Variants in GRM8 observed in about 807,000 individuals in gnomAD.
GRM8 encodes the protein metabotropic glutamate receptor 8.
In GRM8, 47 loss-of-function variants were observed where a neutral mutation model predicts 87.2. The observed-to-expected ratio is 0.54, with a 90% CI of 0.43 to 0.69. The LOEUF is 0.69. Ranked by LOEUF, GRM8 falls within the 30% of genes least tolerant of loss-of-function variation. The pLI, the probability that GRM8 is intolerant of heterozygous loss-of-function variation, is 0.00. For synonymous variants in GRM8, 396 were observed against 404.5 expected (o/e 0.98, Z 0.25); for missense variants, 1,019 against 1,139.2 (o/e 0.89, Z 1.52).
At chr7:126,861,301 T>C (rs982437683) in intron 6 of GRM8, among the ~76,000 whole-genome samples, 3 of 152,150 alleles carry the variant, frequency 2.0e-5, no homozygotes, top group Non-Finnish European at 4.4e-5. Flanking sequence ...ATAGTGCATT[T>C]ATTTTAACTC....
At chr7:126,466,205 T>C (rs2150535859) in intron 9 of GRM8, among the ~76,000 whole-genome samples, 1 of 152,006 alleles carries the variant, frequency 6.6e-6, no homozygotes, top group East Asian at 1.9e-4. Flanking sequence ...CTAAAGAATG[T>C]AATGGTTCCA....
intron 2 of GRM8, among the ~76,000 whole-genome samples, chr7:127,125,816 G>C (rs1375288791): frequency 1.6e-5 from 2 of 123,030 alleles, no homozygotes; most frequent in African/African-American, 3.0e-5. Flanking sequence ...CTATTAAAAA[G>C]TGAGCAAAAG....
chr7:126,663,567 A>G (rs1760524229), intron 7 of GRM8, among the ~76,000 whole-genome samples: 1 of 152,252 alleles, frequency 6.6e-6, no homozygotes, highest in African/African-American at 2.4e-5. Context: ...TAGATGCAGA[A>G]AAAGCTTTTG....
At chr7:126,597,239 G>T (rs908664459) in intron 8 of GRM8, among the ~76,000 whole-genome samples, 3 of 152,056 alleles carry the variant, frequency 2.0e-5, no homozygotes, top group Non-Finnish European at 4.4e-5. Context: ...GGTGTCACGA[G>T]AAATTTTTGA....
chr7:126,555,785 T>A (rs959966071), intron 8 of GRM8, among the ~76,000 whole-genome samples: 5 of 152,216 alleles, frequency 3.3e-5, no homozygotes, highest in African/African-American at 1.2e-4. Context: ...TTATTCTTCC[T>A]AAAATATGTG....
intron 8 of GRM8, among the ~76,000 whole-genome samples, chr7:126,543,765 A>G (rs1585007425): frequency 6.6e-6 from 1 of 152,154 alleles, no homozygotes; most frequent in East Asian, 1.9e-4. Flanking sequence ...ATACAAAGAG[A>G]AGATGGCACA....
At chr7:126,686,860 G>A (rs569309943) in intron 7 of GRM8, among the ~76,000 whole-genome samples, 23 of 152,292 alleles carry the variant, frequency 1.5e-4, no homozygotes, top group Non-Finnish European at 2.8e-4. Flanking sequence ...GACACCCCAC[G>A]GATCCTGTAA....
intron 2 of GRM8, among the ~76,000 whole-genome samples, chr7:127,160,958 G>T (rs1271464275): frequency 2.0e-5 from 3 of 152,132 alleles, no homozygotes; most frequent in African/African-American, 7.2e-5. Flanking sequence ...TTTCTTAGTA[G>T]AAACAAGAGT....
At chr7:126,725,958 A>T (rs1445881050) in intron 7 of GRM8, among the ~76,000 whole-genome samples, 3 of 152,144 alleles carry the variant, frequency 2.0e-5, no homozygotes, top group Admixed American at 2.0e-4. Context: ...TGCCCCCAGG[A>T]TGAAAACACC....
At chr7:126,664,172 T>C (rs1213020211) in intron 7 of GRM8, among the ~76,000 whole-genome samples, 1 of 152,170 alleles carries the variant, frequency 6.6e-6, no homozygotes, top group East Asian at 1.9e-4. Context: ...TCCATGCTCA[T>C]GGATTAGAAG....
chr7:127,137,799 TA>T (rs1447640754), intron 2 of GRM8, among the ~76,000 whole-genome samples: 1 of 152,156 alleles, frequency 6.6e-6, no homozygotes, highest in Non-Finnish European at 1.5e-5. Flanking sequence ...TATTTCTGGG[TA>T]AAAAGTTAAA....
intron 2 of GRM8, among the ~76,000 whole-genome samples, chr7:127,192,251 C>T (rs1795066818): frequency 1.3e-5 from 2 of 152,178 alleles, no homozygotes; most frequent in African/African-American, 4.8e-5. Flanking sequence ...TTTTATGCTA[C>T]CAAATTATGC....
rs181143674 is a variant in GRM8 at position 126,682,116 on chromosome 7, C to T, written c.1358-72618G>A. 5.3e-5 allele frequency among the ~76,000 whole-genome samples: 8 copies of T among 152,254 alleles called. No homozygotes were observed. The East Asian group carries it at 1.5e-3, about 29-fold the overall frequency. ...CCAAAGCATTTCTGAATTATGGTAC[C>T]TTTCTTAGCACTGATTCCTTACCGT... is the stretch of plus-strand genomic sequence containing the variant. On this transcript the variant is annotated intron_variant, in intron 7 of 10. Coordinates refer to ENST00000339582, the MANE Select transcript of GRM8 (RefSeq NM_000845.3).
At chr7:126,565,989 A>T (rs113521569) in intron 8 of GRM8, among the ~76,000 whole-genome samples, 14 of 152,340 alleles carry the variant, frequency 9.2e-5, no homozygotes, top group African/African-American at 3.4e-4. Flanking sequence ...CCACATGCAC[A>T]GGAATAAAAC....
At chr7:126,952,917 GA>G (rs961338589) in intron 3 of GRM8, among the ~76,000 whole-genome samples, 1 of 151,948 alleles carries the variant, frequency 6.6e-6, no homozygotes, top group Non-Finnish European at 1.5e-5. Flanking sequence ...AAATATTGAT[GA>G]AAAAACTGGT....
At chr7:127,141,228 C>G (rs1440429426) in intron 2 of GRM8, among the ~76,000 whole-genome samples, 5 of 152,024 alleles carry the variant, frequency 3.3e-5, no homozygotes, top group African/African-American at 1.2e-4. Context: ...TTAAACCTAA[C>G]CCCTCCCTAG....
At chr7:126,895,546 C>T (rs12669064) in intron 6 of GRM8, among the ~76,000 whole-genome samples, 28,575 of 151,862 alleles carry the variant, frequency 0.19, 2,817 homozygotes, top group East Asian at 0.28. Flanking sequence ...ATAGTGCTTC[C>T]CATATTGCTT....
intron 9 of GRM8, among the ~76,000 whole-genome samples, chr7:126,467,196 C>T (rs968929332): frequency 6.6e-6 from 1 of 151,462 alleles, no homozygotes; most frequent in Non-Finnish European, 1.5e-5. Flanking sequence ...TCCCTGTGCC[C>T]ATATGTTCTC....
chr7:126,935,501 A>C (rs998367242), intron 3 of GRM8, among the ~76,000 whole-genome samples: 1 of 152,224 alleles, frequency 6.6e-6, no homozygotes, highest in African/African-American at 2.4e-5. Flanking sequence ...CTAGAAAAGT[A>C]TGTTATCAGA....
Sources: allele counts gnomAD v4.1 joint callset (sites outside exome capture counted in the v4.1 genomes callset), GRCh38; gene constraint gnomAD v4.1.1; transcripts MANE v1.5; gene names NCBI Gene and HGNC (gene_info 2026-07-23, HGNC 2026-07-21).